The following PTPRO variants were observed in gnomAD, a reference collection of about 807,000 sequenced individuals.
PTPRO encodes protein tyrosine phosphatase receptor type O.
A neutral mutation model predicts 145.2 loss-of-function variants in PTPRO; 62 were observed. The ratio of observed to expected loss-of-function variants is 0.43; its 90% confidence interval spans 0.35 to 0.53. The LOEUF is 0.53. PTPRO is among the 20% of genes least tolerant of loss of function. PTPRO has a pLI of 0.01. For synonymous variants in PTPRO, 565 were observed against 514.7 expected, an observed-to-expected ratio of 1.10 and a Z score of -1.32; for missense variants, 1,345 against 1,482.7, an observed-to-expected ratio of 0.91 and a Z score of 1.53.
intron 25 of PTPRO, among the ~76,000 whole-genome samples, chr12:15,592,839 C>A (rs757433327): frequency 6.6e-6 from 1 of 152,164 alleles, no homozygotes; most frequent in Admixed American, 6.6e-5. Flanking sequence ...CTATTTTTAT[C>A]GAATATTTTG....
chr12:15,469,192 C>T (rs892040563), intron 1 of PTPRO, among the ~76,000 whole-genome samples: 16 of 152,154 alleles, frequency 1.1e-4, no homozygotes, highest in Admixed American at 8.5e-4. Flanking sequence ...CATTATCTTT[C>T]AATAAGTGGG....
At chr12:15,547,459 C>T (rs573641845) in intron 13 of PTPRO, among the ~76,000 whole-genome samples, 11 of 152,160 alleles carry the variant, frequency 7.2e-5, no homozygotes, top group South Asian at 2.1e-4. Flanking sequence ...ACTAATACTG[C>T]GAACATAAGT....
intron 1 of PTPRO, among the ~76,000 whole-genome samples, chr12:15,470,769 G>A (rs1354202073): frequency 6.6e-6 from 1 of 152,136 alleles, no homozygotes; most frequent in Non-Finnish European, 1.5e-5. Context: ...CTCTGGTTGG[G>A]CCAAGAAAAT....
At chr12:15,506,313 A>G (rs1414109723) in intron 6 of PTPRO, among the ~76,000 whole-genome samples, 1 of 152,168 alleles carries the variant, frequency 6.6e-6, no homozygotes, top group Non-Finnish European at 1.5e-5. Flanking sequence ...AAAAGCAATG[A>G]CTCAAGAGAC....
intron 1 of PTPRO, among the ~76,000 whole-genome samples, chr12:15,329,647 T>C (rs527489956): frequency 6.6e-6 from 1 of 152,302 alleles, no homozygotes; most frequent in East Asian, 1.9e-4. Context: ...TAATCAAACA[T>C]CCATTAAGCA....
chr12:15,379,063 C>T (rs546757519), intron 1 of PTPRO, among the ~76,000 whole-genome samples: 2 of 151,908 alleles, frequency 1.3e-5, no homozygotes, highest in South Asian at 4.1e-4. Flanking sequence ...AATTTAGAAC[C>T]CTCATACATT....
intron 1 of PTPRO, among the ~76,000 whole-genome samples, chr12:15,388,137 A>G (rs1939081617): frequency 1.3e-5 from 2 of 152,284 alleles, no homozygotes; most frequent in African/African-American, 4.8e-5. Flanking sequence ...TTGCAAGCAC[A>G]AAATATTTTT....
At chr12:15,484,424 CTT>C (rs1299737776) in intron 2 of PTPRO, among the ~76,000 whole-genome samples, 177 bp downstream of exon 2, 1 of 152,002 alleles carries the variant, frequency 6.6e-6, no homozygotes, top group African/African-American at 2.4e-5. Flanking sequence ...GATGTTTACT[CTT>C]TACCTTGTGA....
chr12:15,391,844 G>T lies in PTPRO; in HGVS notation c.75+69043G>T, dbSNP rs544456886. Among the ~76,000 whole-genome samples, 110 of 152,266 alleles carry T rather than the reference G, an allele frequency of 7.2e-4. 1 individual carries two copies. The South Asian group carries it at 0.022, about 31-fold the overall frequency. Reference sequence around the variant, plus strand: ...CACAGATTTCACAAGTGGGTCACTGGGAATGATAGTGAGATGAGCCAATTC... The same window carrying T: ...CACAGATTTCACAAGTGGGTCACTGTGAATGATAGTGAGATGAGCCAATTC... On this transcript the variant is annotated intron_variant, in intron 1 of 26. Coordinates refer to ENST00000281171, the MANE Select transcript of PTPRO (RefSeq NM_030667.3).
chr12:15,592,516 G>T (rs886881818), intron 25 of PTPRO, among the ~76,000 whole-genome samples: 4 of 152,050 alleles, frequency 2.6e-5, no homozygotes, highest in Admixed American at 2.0e-4. Flanking sequence ...ATGTCTCCAG[G>T]TGCAACATGC....
chr12:15,406,012 AAATTT>A (rs1939638900), intron 1 of PTPRO, among the ~76,000 whole-genome samples: 1 of 152,200 alleles, frequency 6.6e-6, no homozygotes, highest in Admixed American at 6.5e-5. Context: ...TAAAGTCATT[AAATTT>A]AATTTTTTAT....
chr12:15,548,905 T>C (rs960700081), intron 13 of PTPRO, among the ~76,000 whole-genome samples, 189 bp from the exon 14 acceptor site: 1 of 152,130 alleles, frequency 6.6e-6, no homozygotes, highest in Non-Finnish European at 1.5e-5. Flanking sequence ...CATGGAATAA[T>C]GCTGCTTCCA....
chr12:15,535,687 C>T (rs1215057487), intron 12 of PTPRO, among the ~76,000 whole-genome samples: 1 of 152,186 alleles, frequency 6.6e-6, no homozygotes, highest in Non-Finnish European at 1.5e-5. Flanking sequence ...GCTTCTATTC[C>T]TGGACTGGGG....
chr12:15,499,941 C>G (rs894399428), intron 4 of PTPRO, among the ~76,000 whole-genome samples: 4 of 152,054 alleles, frequency 2.6e-5, no homozygotes, highest in African/African-American at 4.8e-5. Context: ...CATTCTAGTA[C>G]AGATTATCAG....
chr12:15,329,016 C>T (rs542728230), intron 1 of PTPRO, among the ~76,000 whole-genome samples: 1 of 152,262 alleles, frequency 6.6e-6, no homozygotes, highest in South Asian at 2.1e-4. Flanking sequence ...TTTCATTTTA[C>T]TGTTTTCAGA....
intron 1 of PTPRO, among the ~76,000 whole-genome samples, chr12:15,383,386 G>A (rs1361029202): frequency 2.6e-5 from 4 of 152,128 alleles, no homozygotes; most frequent in African/African-American, 9.7e-5. Flanking sequence ...GATGCACTCT[G>A]TTCCCCTTTC....
Position 15,497,301 on chromosome 12 carries a change from G to C in PTPRO, c.406G>C (p.Gly136Arg), listed in dbSNP as rs993081955. ...TGACTATAAACCTTCTCCTGAAACAGGAGTCCTGTTTGAAATACATTATCC... is the reference window on the plus strand; with the variant it reads ...TGACTATAAACCTTCTCCTGAAACACGAGTCCTGTTTGAAATACATTATCC... Reference protein sequence around the residue: ...IYDYKPSPETGVLFEIHYPEK... With the variant: ...IYDYKPSPETRVLFEIHYPEK... Residue 136 changes from glycine (G) to arginine (R), a missense_variant, in exon 3 of 27, where the codon GGA (glycine) becomes CGA (arginine). This residue lies in a region of PTPRO where 1,130 missense variants were observed against 1,214.7 expected (regional missense o/e 0.93). Transcript: ENST00000281171. The C allele has an allele frequency of 6.3e-7, 1 of 1,594,280 alleles. No individual in the cohort carries two copies. The highest frequency in any genetic ancestry group is 1.7e-4 in the Middle Eastern group (1 of 6,032).
chr12:15,351,894 C>G (rs1192281706), intron 1 of PTPRO, among the ~76,000 whole-genome samples: 2 of 152,164 alleles, frequency 1.3e-5, no homozygotes, highest in Non-Finnish European at 2.9e-5. Flanking sequence ...TATACTGAAA[C>G]TTTCCTAAAT....
At chr12:15,403,243 T>G (rs951132717) in intron 1 of PTPRO, among the ~76,000 whole-genome samples, 1 of 152,092 alleles carries the variant, frequency 6.6e-6, no homozygotes, top group African/African-American at 2.4e-5. Context: ...CAGTTCTTTT[T>G]CTACTGGTGT....
Sources: allele counts gnomAD v4.1 joint callset (sites outside exome capture counted in the v4.1 genomes callset), GRCh38; gene constraint gnomAD v4.1.1; regional missense constraint gnomAD v4.1.1; transcripts MANE v1.5; gene names NCBI Gene and HGNC (gene_info 2026-07-23, HGNC 2026-07-21).